Variants in ANK3 observed in about 807,000 individuals in gnomAD.
ANK3 encodes the protein ankyrin 3, also known as ankyrin-3.
Under a neutral mutation model 370.9 loss-of-function variants are expected in ANK3, and 57 were observed. That is an observed-to-expected ratio of 0.15 (90% CI 0.12 to 0.19). The LOEUF is 0.19. Among genes scored for constraint, ANK3 ranks in the 10% least tolerant of loss-of-function variants. The pLI, the probability that ANK3 is intolerant of heterozygous loss-of-function variation, is 1.00. For missense variants in ANK3, 4,439 were observed against 5,302.1 expected (o/e 0.84, Z 5.06); for synonymous variants, 1,929 against 1,946.3 (o/e 0.99, Z 0.23).
chr10:60,139,335 T>C (rs2094472261), intron 23 of ANK3: 1 of 450,466 alleles, frequency 2.2e-6, no homozygotes, highest in Admixed American at 3.9e-5. Context: ...CTGAAAACAT[T>C]ACCCGTATCC....
At chr10:60,380,577 T>C (rs2061421964) in intron 1 of ANK3, among the ~76,000 whole-genome samples, 1 of 152,198 alleles carries the variant, frequency 6.6e-6, no homozygotes, top group Non-Finnish European at 1.5e-5. Context: ...TACAATGATC[T>C]ACGTCATGCA....
upstream of ANK3, among the ~76,000 whole-genome samples, chr10:60,393,255 T>C (rs537759048): frequency 2.0e-5 from 3 of 152,174 alleles, no homozygotes; most frequent in African/African-American, 7.2e-5. Context: ...GAAGGCAGCT[T>C]TGGTGAGCAC....
intron 23 of ANK3, among the ~76,000 whole-genome samples, chr10:60,150,374 G>A (rs983606502): frequency 1.3e-5 from 2 of 152,102 alleles, no homozygotes; most frequent in African/African-American, 4.8e-5. Context: ...ATTTCTGTGT[G>A]TCCAAATCCT....
chr10:60,064,861 CAAAAAAT>C (rs1438328796), intron 38 of ANK3, among the ~76,000 whole-genome samples: 2 of 152,176 alleles, frequency 1.3e-5, no homozygotes, highest in South Asian at 4.1e-4. Context: ...GACCCTATCT[CAAAAAAT>C]AAAACAAGAT....
At chr10:60,556,262 C>T (rs968058652) in intron 2 of ANK3, among the ~76,000 whole-genome samples, 10 of 152,166 alleles carry the variant, frequency 6.6e-5, no homozygotes, top group Non-Finnish European at 1.3e-4. Flanking sequence ...CTTAAGCCAG[C>T]TGTAGCTAAG....
intron 7 of ANK3, among the ~76,000 whole-genome samples, chr10:60,244,985 C>T (rs1010278446): frequency 5.9e-5 from 9 of 151,962 alleles, no homozygotes; most frequent in African/African-American, 1.9e-4. Flanking sequence ...CTGGCTAACA[C>T]GGTGAAACCC....
At chr10:60,692,157 G>A (rs1320164707) in intron 1 of ANK3, among the ~76,000 whole-genome samples, 1 of 152,218 alleles carries the variant, frequency 6.6e-6, no homozygotes, top group Non-Finnish European at 1.5e-5. Flanking sequence ...TTGTTTGAGT[G>A]ACCAACCATG....
chr10:60,391,353 A>G (rs1344239204), upstream of ANK3, among the ~76,000 whole-genome samples: 1 of 152,204 alleles, frequency 6.6e-6, no homozygotes, highest in Non-Finnish European at 1.5e-5. Context: ...AAAAATGGAG[A>G]AAAATGAAGG....
chr10:60,088,216 G>T lies in ANK3; in HGVS notation c.3471C>A (p.Thr1157=). The T allele has an allele frequency of 6.2e-7, 1 of 1,614,168 alleles. No homozygotes were observed. Among genetic ancestry groups the T allele is most frequent in the South Asian group, 1.1e-5 (1 of 91,080 alleles). ...IGPEGGILSS[T]TVPLVQASFP... is the part of the protein sequence containing the mutation. ...AAGATGCTTGAACAAGGGGCACTGT[G>T]GTGCTGCTCAGAATTCCACCTTCAG... The change falls in exon 29 of 44, where the codon ACC becomes ACA. Residue 1157 remains threonine (T), a synonymous_variant. Transcript: ENST00000280772.
At chr10:60,205,949 T>C in intron 10 of ANK3, 59 bp from the exon 11 acceptor site, 1 of 1,102,668 alleles carries the variant, frequency 9.1e-7, no homozygotes, top group East Asian at 2.4e-5. Context: ...CCAGTTTCAC[T>C]GTGTGCAGTA....
At chr10:60,616,677 C>A (rs2078272238) in intron 1 of ANK3, among the ~76,000 whole-genome samples, 2 of 152,110 alleles carry the variant, frequency 1.3e-5, no homozygotes, top group African/African-American at 4.8e-5. Flanking sequence ...GACTTTACAT[C>A]TGCTGATTTC....
At chr10:60,032,220 G>GTTT (rs2073823759) in intron 43 of ANK3, among the ~76,000 whole-genome samples, 1 of 7,696 alleles carries the variant, frequency 1.3e-4, no homozygotes, top group Non-Finnish European at 2.9e-4. Flanking sequence ...TTTTTTTTTT[G>GTTT]AGACGAAGTC....
chr10:60,462,267 C>T (rs982570776), intron 2 of ANK3, among the ~76,000 whole-genome samples: 1 of 152,054 alleles, frequency 6.6e-6, no homozygotes, highest in African/African-American at 2.4e-5. Context: ...TTAATGAGGC[C>T]CCTATTTCTT....
At chr10:60,705,908 G>A (rs1290476834) in intron 1 of ANK3, among the ~76,000 whole-genome samples, 2 of 139,606 alleles carry the variant, frequency 1.4e-5, no homozygotes, top group Non-Finnish European at 3.0e-5. Flanking sequence ...CTGCACCCTC[G>A]ACCACCCAGG....
chr10:60,164,688 A>G (rs1193822571), intron 23 of ANK3, among the ~76,000 whole-genome samples: 2 of 152,194 alleles, frequency 1.3e-5, no homozygotes, highest in Non-Finnish European at 2.9e-5. Context: ...TTTTAAAGAC[A>G]GAATTGTCCA....
chr10:60,533,009 T>C (rs2076644069), intron 2 of ANK3, among the ~76,000 whole-genome samples: 1 of 152,116 alleles, frequency 6.6e-6, no homozygotes, highest in Non-Finnish European at 1.5e-5. Context: ...AAACAGAGTA[T>C]ATCATGTTGG....
intron 42 of ANK3, among the ~76,000 whole-genome samples, chr10:60,047,606 C>G (rs1263470930): frequency 6.6e-6 from 1 of 152,168 alleles, no homozygotes; most frequent in Non-Finnish European, 1.5e-5. Context: ...ACTTACCATA[C>G]GTTTGAACTG....
chr10:60,377,061 T>C (rs1299196052), intron 1 of ANK3, among the ~76,000 whole-genome samples: 3 of 152,234 alleles, frequency 2.0e-5, no homozygotes, highest in Non-Finnish European at 4.4e-5. Context: ...TCCTGTTACT[T>C]AAGGACAGGC....
chr10:60,508,368 A>G (rs1483974376), intron 2 of ANK3: 1 of 152,646 alleles, frequency 6.6e-6, no homozygotes, highest in East Asian at 1.9e-4. Context: ...AGAGATGCTT[A>G]CTAAACCAAG....
Sources: gnomAD v4.1 joint callset for allele counts (sites outside exome capture counted in the v4.1 genomes callset) on GRCh38, gnomAD v4.1.1 for gene constraint, MANE v1.5 for transcripts, NCBI Gene and HGNC (gene_info 2026-07-23, HGNC 2026-07-21) for gene names.